Variants in RSRC1 observed in about 807,000 individuals in gnomAD.
RSRC1 encodes the protein arginine and serine rich coiled-coil 1, also known as serine/Arginine-related protein 53.
Under a neutral mutation model 49.1 loss-of-function variants are expected in RSRC1, and 39 were observed. The ratio of observed to expected loss-of-function variants is 0.79; its 90% CI spans 0.61 to 1.04. The LOEUF is 1.04. RSRC1 is among the 50% of genes least tolerant of loss of function. The probability of loss-of-function intolerance (pLI) is 0.00; values close to 1 mark genes in which losing one functional copy is unlikely to be tolerated. For synonymous variants in RSRC1, 143 were observed against 130.8 expected, an observed-to-expected ratio of 1.09 and a Z score of -0.63; for missense variants, 388 against 402.4, an observed-to-expected ratio of 0.96 and a Z score of 0.31.
chr3:158,257,750 A>G (rs1724651255), intron 4 of RSRC1, among the ~76,000 whole-genome samples: 1 of 152,028 alleles, frequency 6.6e-6, no homozygotes, highest in Admixed American at 6.6e-5. Context: ...TTTAGCAAAG[A>G]TGATTTTCTT....
intron 6 of RSRC1, among the ~76,000 whole-genome samples, chr3:158,445,046 A>G (rs1736617366): frequency 6.6e-6 from 1 of 152,140 alleles, no homozygotes; most frequent in Non-Finnish European, 1.5e-5. Context: ...ACACTTTTAC[A>G]CTGTTGGTGG....
In RSRC1 at chr3:158,331,008, A is replaced by G. The variant is rs541962654; in HGVS notation, c.532-23849A>G. On this transcript the variant is annotated intron_variant, in intron 5 of 9. Transcript: ENST00000611884. ...TCTCACATGGCAGCAGACGATACAGAGAGCATGTGCAGGGGAATTCCCCTT... is the reference window on the plus strand; with the variant it reads ...TCTCACATGGCAGCAGACGATACAGGGAGCATGTGCAGGGGAATTCCCCTT... 2.6e-5 allele frequency among the ~76,000 whole-genome samples: 4 copies of G among 152,266 alleles called. No individual in the cohort carries two copies. The South Asian group carries it at 8.3e-4, about 32-fold the overall frequency.
intron 5 of RSRC1, among the ~76,000 whole-genome samples, chr3:158,333,252 A>G (rs1331941428): frequency 2.0e-5 from 3 of 152,254 alleles, no homozygotes; most frequent in East Asian, 3.9e-4. Context: ...TTTTAGAAAC[A>G]TTGTGATGAG....
intron 7 of RSRC1, among the ~76,000 whole-genome samples, chr3:158,467,981 T>C (rs1737961578): frequency 1.3e-5 from 2 of 152,254 alleles, no homozygotes; most frequent in African/African-American, 4.8e-5. Context: ...TCGCCCAGGC[T>C]GGAGTGCAGT....
chr3:158,522,458 G>A (rs780007255), intron 7 of RSRC1, among the ~76,000 whole-genome samples: 11 of 151,998 alleles, frequency 7.2e-5, no homozygotes, highest in South Asian at 2.1e-4. Context: ...GGCATGAGCC[G>A]CTGCATCCAG....
intron 3 of RSRC1, among the ~76,000 whole-genome samples, chr3:158,165,454 A>G (rs1383438512): frequency 2.0e-5 from 3 of 152,240 alleles, no homozygotes; most frequent in African/African-American, 7.2e-5. Context: ...GACTCTGTGT[A>G]GTCATTGAGC....
intron 7 of RSRC1, among the ~76,000 whole-genome samples, chr3:158,513,884 A>G (rs1265239285): frequency 1.3e-5 from 2 of 152,170 alleles, no homozygotes; most frequent in Non-Finnish European, 2.9e-5. Flanking sequence ...CATTTCTTCT[A>G]GATTTTCTAG....
intron 6 of RSRC1, among the ~76,000 whole-genome samples, chr3:158,372,514 A>G (rs867352838): frequency 5.9e-5 from 9 of 151,888 alleles, no homozygotes; most frequent in African/African-American, 9.7e-5. Flanking sequence ...CTATCTGTCT[A>G]TCCTTTTACT....
chr3:158,258,743 T>C (rs1724719913), intron 4 of RSRC1, among the ~76,000 whole-genome samples: 1 of 152,116 alleles, frequency 6.6e-6, no homozygotes, highest in South Asian at 2.1e-4. Flanking sequence ...TTTTATTCTT[T>C]TTTCTTTTGT....
rs191555344 is a variant in RSRC1, at chr3:158,405,955, T to C, written c.583+51047T>C. Reference sequence around the variant, plus strand: ...TATTACATTTTCTAATTAACATGATTCTGGAATTTTACATGAAAATTTATG... The same window carrying C: ...TATTACATTTTCTAATTAACATGATCCTGGAATTTTACATGAAAATTTATG... On this transcript the variant is annotated intron_variant, in intron 6 of 9. Transcript: ENST00000611884. Among the ~76,000 whole-genome samples, 399 of 152,246 alleles carry C rather than the reference T, an allele frequency of 2.6e-3. 4 individuals carry two copies. Among genetic ancestry groups the C allele is most frequent in the African/African-American group, 9.2e-3 (381 of 41,566 alleles).
chr3:158,334,741 G>A (rs150493356), intron 5 of RSRC1, among the ~76,000 whole-genome samples: 2 of 149,854 alleles, frequency 1.3e-5, no homozygotes, highest in Non-Finnish European at 1.5e-5. Flanking sequence ...GGATGGTCTC[G>A]ATCTCCTGAC....
intron 7 of RSRC1, among the ~76,000 whole-genome samples, chr3:158,514,575 G>GA (rs979044757): frequency 6.6e-5 from 10 of 152,020 alleles, no homozygotes; most frequent in South Asian, 2.1e-4. Context: ...GTGTGGTGCT[G>GA]AAAAAAATGT....
In RSRC1 at chr3:158,537,075, T is replaced by C; in HGVS notation, c.653-17T>C. On this transcript the variant is annotated splice_polypyrimidine_tract_variant and intron_variant, in intron 7 of 9. Coordinates refer to ENST00000611884, the MANE Select transcript of RSRC1 (RefSeq NM_001271838.2). ...TGCTTACACCAAAATACGCTGACAT[T>C]ATACCCTCTTTTTCAGACCAAGCCA... is the stretch of plus-strand genomic sequence containing the variant. 1.3e-6 allele frequency: 2 copies of C among 1,554,214 alleles called. No homozygotes were observed. The highest frequency in any genetic ancestry group is 1.8e-6 in the Non-Finnish European group (2 of 1,127,112).
intron 3 of RSRC1, among the ~76,000 whole-genome samples, chr3:158,143,238 A>G (rs772230751): frequency 3.3e-5 from 5 of 152,168 alleles, no homozygotes; most frequent in Non-Finnish European, 5.9e-5. Context: ...AAATATTAAT[A>G]ATATACTTTT....
chr3:158,194,020 G>C, intron 3 of RSRC1, among the ~76,000 whole-genome samples: 1 of 150,838 alleles, frequency 6.6e-6, no homozygotes. Context: ...AGGAGTTTAA[G>C]ACCAGTCTGG....
intron 3 of RSRC1, among the ~76,000 whole-genome samples, chr3:158,129,057 T>C (rs928110412): frequency 6.6e-6 from 1 of 152,188 alleles, no homozygotes; most frequent in Non-Finnish European, 1.5e-5. Context: ...TTACTATCTT[T>C]CCTTTTGTAG....
chr3:158,452,618 T>G (rs143764771), intron 6 of RSRC1, among the ~76,000 whole-genome samples: 165 of 152,320 alleles, frequency 1.1e-3, no homozygotes, highest in African/African-American at 3.7e-3. Flanking sequence ...GGTCATTGTC[T>G]TAGTGTTAAT....
At chr3:158,179,642 T>C (rs990769584) in intron 3 of RSRC1, among the ~76,000 whole-genome samples, 3 of 152,146 alleles carry the variant, frequency 2.0e-5, no homozygotes, top group Admixed American at 1.3e-4. Context: ...TTAACTATTA[T>C]CCATTGAAAG....
intron 5 of RSRC1, among the ~76,000 whole-genome samples, chr3:158,342,571 T>A (rs559641832): frequency 6.6e-6 from 1 of 152,220 alleles, no homozygotes; most frequent in Admixed American, 6.5e-5. Context: ...TTCAGGTTTG[T>A]CCTTATCAGC....
Sources: allele counts gnomAD v4.1 joint callset (sites outside exome capture counted in the v4.1 genomes callset), GRCh38; gene constraint gnomAD v4.1.1; transcripts MANE v1.5; gene names NCBI Gene and HGNC (gene_info 2026-07-23, HGNC 2026-07-21).